Variants in TRMT44 observed in about 807,000 individuals in gnomAD.
The protein encoded by TRMT44 is probable tRNA (uracil-O(2)-)-methyltransferase.
A neutral mutation model predicts 77.3 loss-of-function variants in TRMT44; 78 were observed. That is an observed-to-expected ratio of 1.01 (90% CI 0.84 to 1.22). The LOEUF is 1.22. Ranked by LOEUF, TRMT44 falls within the 50% of genes most tolerant of loss-of-function variation. The pLI is 0.00. For missense variants in TRMT44, 1,090 were observed against 964.4 expected (o/e 1.13, Z -1.73); for synonymous variants, 391 against 383.3 (o/e 1.02, Z -0.23).
downstream of TRMT44, among the ~76,000 whole-genome samples, chr4:8,497,364 G>A (rs1187432155): frequency 2.0e-5 from 3 of 151,408 alleles, no homozygotes; most frequent in Non-Finnish European, 4.4e-5. Flanking sequence ...CCCTGCTCTG[G>A]GCCGGGCACG....
intron 2 of TRMT44, among the ~76,000 whole-genome samples, chr4:8,492,520 T>C (rs1728038561): frequency 6.6e-6 from 1 of 152,162 alleles, no homozygotes; most frequent in Admixed American, 6.5e-5. Context: ...GAACTTAGTT[T>C]ACAGTGTGAA....
At chr4:8,448,581 G>A (rs1455880499) in intron 2 of TRMT44, among the ~76,000 whole-genome samples, 4 of 152,222 alleles carry the variant, frequency 2.6e-5, no homozygotes, top group African/African-American at 4.8e-5. Context: ...TCTCTGCAGC[G>A]CGCAGGGGCC....
chr4:8,474,936 G>A (rs969068443), intron 10 of TRMT44, among the ~76,000 whole-genome samples: 18 of 152,192 alleles, frequency 1.2e-4, no homozygotes, highest in African/African-American at 3.9e-4. Context: ...ACCCCACTCT[G>A]ATGTCCCTCC....
chr4:8,496,145 G>C (rs918536816), downstream of TRMT44, among the ~76,000 whole-genome samples: 12 of 152,226 alleles, frequency 7.9e-5, no homozygotes, highest in African/African-American at 2.4e-4. Flanking sequence ...ATAGAGTGAA[G>C]CAATGGGAAA....
At chr4:8,470,249 G>A (rs1014751348) in intron 9 of TRMT44, among the ~76,000 whole-genome samples, 2 of 152,186 alleles carry the variant, frequency 1.3e-5, no homozygotes, top group African/African-American at 4.8e-5. Flanking sequence ...GATTCTCGCA[G>A]CAGCTGCGAC....
chr4:8,463,215 A>G lies in TRMT44; in HGVS notation c.1204-770A>G, dbSNP rs114170917. Among the ~76,000 whole-genome samples, 1,337 of 152,314 alleles carry G rather than the reference A, an allele frequency of 8.8e-3. 24 individuals carry two copies. The highest frequency in any genetic ancestry group is 0.031 in the African/African-American group (1,283 of 41,564). On this transcript the variant is annotated intron_variant, in intron 6 of 10. Coordinates refer to ENST00000389737, the MANE Select transcript of TRMT44 (RefSeq NM_152544.3). ...CACTGGAAAATTAAGAAGATTTTCA[A>G]TGGTTGTGTGGTCTCTCTTCCCCCT...
At chr4:8,496,238 T>A (rs1728147078), downstream of TRMT44, among the ~76,000 whole-genome samples, 1 of 152,230 alleles carries the variant, frequency 6.6e-6, no homozygotes, top group African/African-American at 2.4e-5. Flanking sequence ...CTGTGGAGTG[T>A]ACTTTTGTTT....
chr4:8,470,256 C>T (rs751668630), intron 9 of TRMT44, among the ~76,000 whole-genome samples: 12 of 152,288 alleles, frequency 7.9e-5, no homozygotes, highest in Non-Finnish European at 1.8e-4. Flanking sequence ...GCAGCAGCTG[C>T]GACAGCGGCT....
chr4:8,443,352 CCT>C (rs2065090150), intron 1 of TRMT44, among the ~76,000 whole-genome samples: 1 of 152,174 alleles, frequency 6.6e-6, no homozygotes, highest in African/African-American at 2.4e-5. Context: ...GGCAGTTTTC[CCT>C]CTCAACAAGG....
the TRMT44 span, among the ~76,000 whole-genome samples, chr4:8,500,496 G>GA: frequency 6.6e-6 from 1 of 151,520 alleles, no homozygotes; most frequent in African/African-American, 2.4e-5. Context: ...ACTCCCTCTG[G>GA]AAAAAATAAA....
chr4:8,453,089 A>T (rs1361200982), intron 5 of TRMT44, 100 bp downstream of exon 5: 2 of 648,534 alleles, frequency 3.1e-6, no homozygotes, highest in East Asian at 6.2e-5. Flanking sequence ...TACAGCCTGG[A>T]TTTGGAGTCA....
At position 8,441,091 on chromosome 4, in the gene TRMT44, G is replaced by A. The variant is rs760581652; in HGVS notation, c.269G>A (p.Gly90Glu). ...GGGPGPRSLS[G>E]PEQGTACCEL... Reference sequence around the variant, plus strand: ...GGCCCGGGTCCCAGGTCGCTATCAGGACCCGAGCAGGGCACGGCATGTTGC... The same window carrying A: ...GGCCCGGGTCCCAGGTCGCTATCAGAACCCGAGCAGGGCACGGCATGTTGC... Residue 90 changes from glycine to glutamate, a missense_variant, in exon 1 of 11, where the codon GGA becomes GAA. Physicochemically the swap from Gly to Glu is moderately conservative, Grantham distance 98 (BLOSUM62 -2). Coordinates refer to ENST00000389737, the MANE Select transcript of TRMT44 (RefSeq NM_152544.3). 21 of 1,506,360 alleles carry A rather than the reference G, an allele frequency of 1.4e-5. No homozygotes were observed. The South Asian group carries it at 2.1e-4, about 15-fold the overall frequency. The allele number at this position is 1,506,360 out of a possible 1,614,324, so 93.3% of individuals were successfully genotyped here. A position where few individuals can be genotyped will look rare whatever the true frequency, so the allele number is the denominator to read the frequency against.
At chr4:8,445,300 G>A (rs1724989896) in intron 1 of TRMT44, among the ~76,000 whole-genome samples, 1 of 152,220 alleles carries the variant, frequency 6.6e-6, no homozygotes, top group African/African-American at 2.4e-5. Flanking sequence ...TCCTGTTGCA[G>A]TTTTTAAATG....
At chr4:8,449,929 A>ATTTTCTTTTC (rs749712570) in intron 3 of TRMT44, 41 bp downstream of exon 3, 17,967 of 241,414 alleles carry the variant, frequency 0.074, 4,748 homozygotes, top group African/African-American at 0.19. Context: ...CCCCTTCATG[A>ATTTTCTTTTC]TTTTCTTTTC....
intron 6 of TRMT44, among the ~76,000 whole-genome samples, chr4:8,460,541 T>G (rs937754167): frequency 2.0e-5 from 3 of 150,562 alleles, no homozygotes; most frequent in Middle Eastern, 3.4e-3. Flanking sequence ...CCAAAACTAT[T>G]TTTATGTTTT....
At chr4:8,506,153 G>T in the TRMT44 span, among the ~76,000 whole-genome samples, 2 of 152,210 alleles carry the variant, frequency 1.3e-5, no homozygotes, top group Admixed American at 6.5e-5. Context: ...TAGAGAAGGG[G>T]CACTCCCTGC....
chr4:8,454,309 C>G (rs1392103163), intron 5 of TRMT44: 1 of 173,018 alleles, frequency 5.8e-6, no homozygotes, highest in Admixed American at 5.6e-5. Context: ...CACCTTCTTA[C>G]CTGCCTTGCA....
chr4:8,443,342 G>T (rs904154672), intron 1 of TRMT44, among the ~76,000 whole-genome samples: 4 of 152,202 alleles, frequency 2.6e-5, no homozygotes, highest in Admixed American at 2.6e-4. Context: ...CTCTCAGGGA[G>T]GCAGTTTTCC....
At chr4:8,490,116 A>G (rs1169400012) in intron 2 of TRMT44, among the ~76,000 whole-genome samples, 2 of 152,012 alleles carry the variant, frequency 1.3e-5, no homozygotes, top group South Asian at 2.1e-4. Flanking sequence ...ATCCTGTGTG[A>G]TTTCATCTCT....
Sources: allele counts gnomAD v4.1 joint callset (sites outside exome capture counted in the v4.1 genomes callset), GRCh38; gene constraint gnomAD v4.1.1; transcripts MANE v1.5; gene names NCBI Gene and HGNC (gene_info 2026-07-23, HGNC 2026-07-21).